LSAMP: variants seen among roughly 807,000 people sequenced by gnomAD.
LSAMP encodes the protein limbic system associated membrane protein.
A neutral mutation model predicts 38.6 loss-of-function variants in LSAMP; 7 were observed. The ratio of observed to expected loss-of-function variants is 0.18; its 90% confidence interval spans 0.10 to 0.34. LSAMP has a LOEUF of 0.34. LSAMP is among the 10% of genes least tolerant of loss of function. LSAMP has a pLI of 1.00. For synonymous variants in LSAMP, 154 were observed against 166.8 expected, an observed-to-expected ratio of 0.92 and a Z score of 0.59; for missense variants, 313 against 420.0, an observed-to-expected ratio of 0.75 and a Z score of 2.23.
At chr3:116,354,550 C>T (rs976059569) in intron 1 of LSAMP, among the ~76,000 whole-genome samples, 1 of 152,152 alleles carries the variant, frequency 6.6e-6, no homozygotes, top group Non-Finnish European at 1.5e-5. Flanking sequence ...TAGCTAGAAT[C>T]ACACAATTAT....
At chr3:116,174,541 T>A (rs1009008480) in intron 1 of LSAMP, among the ~76,000 whole-genome samples, 1 of 152,036 alleles carries the variant, frequency 6.6e-6, no homozygotes, top group African/African-American at 2.4e-5. Flanking sequence ...ATAACTTCGC[T>A]AAAAAGCACC....
At chr3:116,432,152 C>A (rs1220365237) in intron 1 of LSAMP, among the ~76,000 whole-genome samples, 1 of 151,738 alleles carries the variant, frequency 6.6e-6, no homozygotes, top group Non-Finnish European at 1.5e-5. Flanking sequence ...TGTTTACATG[C>A]TTGATACCCT....
intron 2 of LSAMP, among the ~76,000 whole-genome samples, chr3:116,024,606 G>T (rs1315873384): frequency 1.3e-5 from 2 of 152,070 alleles, no homozygotes; most frequent in African/African-American, 4.8e-5. Flanking sequence ...TGAGGACGGA[G>T]AAATAGATAG....
intron 1 of LSAMP, among the ~76,000 whole-genome samples, chr3:116,272,149 A>AATATAT (rs148831827): frequency 6.6e-6 from 1 of 150,440 alleles, no homozygotes; most frequent in African/African-American, 2.4e-5. Flanking sequence ...TAAACAAATA[A>AATATAT]ATATATATAT....
At chr3:116,025,714 T>C (rs1940775378) in intron 2 of LSAMP, among the ~76,000 whole-genome samples, 1 of 152,140 alleles carries the variant, frequency 6.6e-6, no homozygotes, top group Admixed American at 6.5e-5. Flanking sequence ...TATACTCTTT[T>C]GGTTTTCAGA....
At chr3:116,219,937 G>T (rs2046262253) in intron 1 of LSAMP, among the ~76,000 whole-genome samples, 1 of 152,126 alleles carries the variant, frequency 6.6e-6, no homozygotes, top group Non-Finnish European at 1.5e-5. Context: ...CACTTTGAGA[G>T]GCCAAAATGG....
intron 2 of LSAMP, among the ~76,000 whole-genome samples, chr3:116,072,598 G>A (rs1004390710): frequency 6.6e-6 from 1 of 151,988 alleles, no homozygotes; most frequent in Non-Finnish European, 1.5e-5. Context: ...ATTTTGACTG[G>A]TGTGAGACGG....
chr3:116,022,047 G>A (rs192801985), intron 2 of LSAMP, among the ~76,000 whole-genome samples: 12 of 152,258 alleles, frequency 7.9e-5, no homozygotes, highest in Non-Finnish European at 1.5e-4. Context: ...AAGTGTTTGT[G>A]CTGAATAGTT....
chr3:116,308,487 C>T (rs2047514478), intron 1 of LSAMP, among the ~76,000 whole-genome samples: 1 of 152,018 alleles, frequency 6.6e-6, no homozygotes, highest in Non-Finnish European at 1.5e-5. Context: ...GTGAATGAAG[C>T]AGGCAGAGAG....
intron 1 of LSAMP, among the ~76,000 whole-genome samples, chr3:116,395,584 T>C (rs7629472): frequency 0.31 from 46,562 of 151,914 alleles, 9,825 homozygotes; most frequent in African/African-American, 0.61. Flanking sequence ...GCTCTGGGAG[T>C]TGCAAGCAAG....
At chr3:116,341,278 G>T (rs2047991615) in intron 1 of LSAMP, among the ~76,000 whole-genome samples, 1 of 151,966 alleles carries the variant, frequency 6.6e-6, no homozygotes, top group South Asian at 2.1e-4. Context: ...GTGTTAAAAA[G>T]TGTTTTTTGT....
chr3:116,068,697 A>G (rs1340831975), intron 2 of LSAMP, among the ~76,000 whole-genome samples: 1 of 152,230 alleles, frequency 6.6e-6, no homozygotes, highest in Non-Finnish European at 1.5e-5. Flanking sequence ...GATTTTCATC[A>G]ACTATCTCAA....
At chr3:116,401,796 A>G (rs948467495) in intron 1 of LSAMP, among the ~76,000 whole-genome samples, 1 of 152,198 alleles carries the variant, frequency 6.6e-6, no homozygotes, top group African/African-American at 2.4e-5. Context: ...AATATCATCA[A>G]ATATATACAT....
chr3:115,829,128 T>A (rs776011008), intron 6 of LSAMP, among the ~76,000 whole-genome samples: 18 of 152,192 alleles, frequency 1.2e-4, no homozygotes, highest in Non-Finnish European at 2.5e-4. Context: ...ATTTTGGATT[T>A]ATTCTTGCTA....
chr3:115,918,373 C>T (rs1458548090), intron 3 of LSAMP, among the ~76,000 whole-genome samples: 1 of 152,180 alleles, frequency 6.6e-6, no homozygotes, highest in Non-Finnish European at 1.5e-5. Flanking sequence ...ATGATATTTA[C>T]ATGTTCTTTC....
intron 1 of LSAMP, among the ~76,000 whole-genome samples, chr3:116,114,722 A>G (rs1231439845): frequency 6.6e-6 from 1 of 152,250 alleles, no homozygotes; most frequent in Non-Finnish European, 1.5e-5. Context: ...AAATCTCACA[A>G]TGAAAGCACT....
At chr3:116,234,030 C>G (rs1374304296) in intron 1 of LSAMP, among the ~76,000 whole-genome samples, 1 of 152,224 alleles carries the variant, frequency 6.6e-6, no homozygotes, top group African/African-American at 2.4e-5. Context: ...GCAGCTGGAA[C>G]TTGCTCAGCT....
chr3:115,982,081 T>C (rs1939376241), intron 3 of LSAMP, among the ~76,000 whole-genome samples: 1 of 152,348 alleles, frequency 6.6e-6, no homozygotes, highest in South Asian at 2.1e-4. Flanking sequence ...TATTTATCTT[T>C]GAAGGAAGGA....
chr3:116,053,491 G>A (rs1196101931), intron 2 of LSAMP, among the ~76,000 whole-genome samples: 1 of 152,144 alleles, frequency 6.6e-6, no homozygotes, highest in Admixed American at 6.5e-5. Flanking sequence ...TTGTGCAAAC[G>A]TCTCTTTGAG....
Sources: gnomAD v4.1 joint callset for allele counts (sites outside exome capture counted in the v4.1 genomes callset) on GRCh38, gnomAD v4.1.1 for gene constraint, MANE v1.5 for transcripts, NCBI Gene and HGNC (gene_info 2026-07-23, HGNC 2026-07-21) for gene names.